Variants in ANKRD17 observed in about 807,000 individuals in gnomAD.
ANKRD17 encodes the protein ankyrin repeat domain 17.
In ANKRD17, 19 loss-of-function variants were observed where a neutral mutation model predicts 229.7. The ratio of observed to expected loss-of-function variants is 0.08; its 90% CI spans 0.06 to 0.12. ANKRD17 has a LOEUF of 0.12. ANKRD17 is among the 10% of genes least tolerant of loss of function. The probability of loss-of-function intolerance (pLI) is 1.00; values close to 1 mark genes in which losing one functional copy is unlikely to be tolerated. For synonymous variants in ANKRD17, 1,112 were observed against 1,146.1 expected (o/e 0.97, Z 0.60); for missense variants, 2,176 against 3,176.8 (o/e 0.68, Z 7.57).
chr4:73,170,573 G>A (rs985272552), intron 2 of ANKRD17, among the ~76,000 whole-genome samples: 9 of 152,092 alleles, frequency 5.9e-5, no homozygotes, highest in South Asian at 2.1e-4. Context: ...GTGGACTCTC[G>A]GGGTCTCCTA....
intron 3 of ANKRD17, among the ~76,000 whole-genome samples, chr4:73,159,086 TTTA>T (rs1454632807): frequency 6.6e-6 from 1 of 152,246 alleles, no homozygotes; most frequent in African/African-American, 2.4e-5. Flanking sequence ...TACTATATAT[TTTA>T]TTTACATGTT....
At chr4:73,179,571 C>CT (rs1403724261) in intron 1 of ANKRD17, among the ~76,000 whole-genome samples, 2 of 135,020 alleles carry the variant, frequency 1.5e-5, no homozygotes, top group African/African-American at 2.8e-5. Context: ...GTTGCCCAAG[C>CT]TGGCCTCAAA....
At position 73,097,155 on chromosome 4, in the gene ANKRD17, C is replaced by T. The variant is rs1436989188; in HGVS notation, c.5139G>A (p.Gly1713=). ...CTTTCCATCCTTCTTCCCTCTTTTG[C>T]CCACGCTTAGGACTTGCTACTGTTA... ...GKLTVASPKR[G]QKREEGWKEV... The change falls in exon 27 of 34, where the codon GGG becomes GGA. Residue 1713 remains glycine (G), a synonymous_variant. Coordinates refer to ENST00000358602, the MANE Select transcript of ANKRD17 (RefSeq NM_032217.5). 1.2e-6 allele frequency: 2 copies of T among 1,608,692 alleles called. No homozygotes were observed. Among genetic ancestry groups the T allele is most frequent in the Non-Finnish European group, 1.7e-6 (2 of 1,178,454 alleles).
Position 73,090,112 on chromosome 4 carries a change from G to C in ANKRD17, c.6961+555C>G, listed in dbSNP as rs529471006. 2.0e-4 allele frequency among the ~76,000 whole-genome samples: 30 copies of C among 152,154 alleles called. 1 individual carries two copies. The South Asian group carries it at 6.0e-3, about 30-fold the overall frequency. Reference sequence around the variant, plus strand: ...ATTAAAACATGAAAGACTTCTGAGAGAGAAAAACACGCCTAGGCCAGGAAC... The same window carrying C: ...ATTAAAACATGAAAGACTTCTGAGACAGAAAAACACGCCTAGGCCAGGAAC... On this transcript the variant is annotated intron_variant, in intron 29 of 33. Transcript: ENST00000358602.
intron 8 of ANKRD17, among the ~76,000 whole-genome samples, chr4:73,148,467 T>G (rs1730578244): frequency 6.6e-6 from 1 of 152,186 alleles, no homozygotes; most frequent in Non-Finnish European, 1.5e-5. Context: ...AAATACTTAT[T>G]AGTAGGTATT....
In ANKRD17 at chr4:73,258,326, T is replaced by C. The variant is rs1202444571; in HGVS notation, c.343A>G (p.Asn115Asp). 6.2e-7 allele frequency: 1 copy of C among 1,613,682 alleles called. No individual in the cohort carries two copies. Among genetic ancestry groups the C allele is most frequent in the South Asian group, 1.1e-5 (1 of 91,088 alleles). ...TCGTCGTCCTCTTCTTCCTCGCTGTTGTTACTGCTGGTGCCGCCGCCGCCA... is the reference window on the plus strand; with the variant it reads ...TCGTCGTCCTCTTCTTCCTCGCTGTCGTTACTGCTGGTGCCGCCGCCGCCA... Reference protein sequence around the residue: ...GGGGGGTSSNNSEEEEDDDDE... With the variant: ...GGGGGGTSSNDSEEEEDDDDE... The change falls in exon 1 of 34, where the codon AAC becomes GAC. Residue 115 changes from asparagine to aspartate, a missense_variant. Asn to Asp is a conservative substitution (Grantham distance 23, BLOSUM62 1). Transcript: ENST00000358602.
At chr4:73,152,452 G>A (rs2148871497) in intron 6 of ANKRD17, among the ~76,000 whole-genome samples, 1 of 151,972 alleles carries the variant, frequency 6.6e-6, no homozygotes, top group East Asian at 1.9e-4. Context: ...ACTCCTCCTT[G>A]TCAGTCTATA....
intron 1 of ANKRD17, among the ~76,000 whole-genome samples, chr4:73,187,939 G>C (rs557417262): frequency 3.3e-5 from 5 of 152,134 alleles, no homozygotes; most frequent in Non-Finnish European, 7.3e-5. Context: ...CCAGGGGCAG[G>C]ATAAAGAGGA....
At chr4:73,200,999 G>T (rs1385831167) in intron 1 of ANKRD17, among the ~76,000 whole-genome samples, 1 of 83,296 alleles carries the variant, frequency 1.2e-5, no homozygotes, top group Non-Finnish European at 2.6e-5. Flanking sequence ...GGGGGGGGGG[G>T]AGATTCTTAA....
chr4:73,085,469 A>C (rs1415953288), intron 29 of ANKRD17, 23 bp from the exon 30 acceptor site: 1 of 1,584,818 alleles, frequency 6.3e-7, no homozygotes, highest in African/African-American at 1.3e-5. Context: ...AGGTCATCAT[A>C]ATTTATAATA....
In ANKRD17 at chr4:73,080,637, CAT is replaced by C. The variant is rs1197931709; in HGVS notation, c.7160-1749_7160-1748del. 2.6e-5 allele frequency: 4 copies of C among 152,162 alleles called. No individual in the cohort carries two copies. The East Asian group carries it at 5.8e-4, about 22-fold the overall frequency. The allele number at this position is 152,162 out of a possible 1,614,324, so 9.4% of individuals were successfully genotyped here. A position where few individuals can be genotyped will look rare whatever the true frequency, so the allele number is the denominator to read the frequency against. ...CAACCCAGAACAACTAACATCAAGA[CAT>C]AGTCAGGGCAGGCAGGCAGGAAGGA... On this transcript the variant is annotated intron_variant, in intron 30 of 33. Transcript: ENST00000358602.
intron 30 of ANKRD17, 148 bp from the exon 31 acceptor site, chr4:73,079,038 A>G: frequency 9.9e-7 from 1 of 1,012,982 alleles, no homozygotes; most frequent in Non-Finnish European, 1.4e-6. Context: ...GATGCATATT[A>G]AAATTTGGCT....
At chr4:73,208,520 T>C (rs985123088) in intron 1 of ANKRD17, among the ~76,000 whole-genome samples, 19 of 152,078 alleles carry the variant, frequency 1.2e-4, no homozygotes, top group Non-Finnish European at 2.4e-4. Context: ...TGGCCAAAAA[T>C]AATTTGAGTG....
intron 17 of ANKRD17, 21 bp downstream of exon 17, chr4:73,125,180 T>C (rs1357442008): frequency 1.9e-6 from 3 of 1,592,094 alleles, no homozygotes; most frequent in Admixed American, 3.7e-5. Context: ...TTCCAAAAAA[T>C]AAAACAAAAG....
chr4:73,183,253 T>G (rs561223250), intron 1 of ANKRD17, among the ~76,000 whole-genome samples: 2 of 152,274 alleles, frequency 1.3e-5, no homozygotes, highest in African/African-American at 4.8e-5. Context: ...ACAAGAAATC[T>G]GAATGTGAAC....
At position 73,258,424 on chromosome 4, in the gene ANKRD17, G is replaced by A. The variant is rs780679054; in HGVS notation, c.245C>T (p.Pro82Leu). 1.2e-6 allele frequency: 2 copies of A among 1,610,430 alleles called. No individual in the cohort carries two copies. Among genetic ancestry groups the A allele is most frequent in the Non-Finnish European group, 1.7e-6 (2 of 1,179,266 alleles). The change falls in exon 1 of 34, where the codon CCC becomes CTC. Residue 82 changes from proline (P) to leucine (L), a missense_variant. Physicochemically the swap from Pro to Leu is moderately conservative, Grantham distance 98. This residue lies in a region of ANKRD17 where 196 missense variants were observed against 190.0 expected (regional missense o/e 1.03). Coordinates refer to ENST00000358602, the MANE Select transcript of ANKRD17 (RefSeq NM_032217.5). ...GCTGCTGCTTTCGCTGCTGCTGGGG[G>A]GTCGGCAAGTCCGGTTACGCTTGGC... is the stretch of plus-strand genomic sequence containing the variant. ...HKAKRNRTCR[P>L]PSSSESSSDS...
intron 24 of ANKRD17, among the ~76,000 whole-genome samples, chr4:73,106,448 T>C (rs1276412064): frequency 6.6e-6 from 1 of 152,002 alleles, no homozygotes; most frequent in Non-Finnish European, 1.5e-5. Flanking sequence ...ATGGGATATG[T>C]GAGAAGTAGC....
At chr4:73,131,263 C>T (rs1289791852) in intron 16 of ANKRD17, among the ~76,000 whole-genome samples, 2 of 152,098 alleles carry the variant, frequency 1.3e-5, no homozygotes, top group Non-Finnish European at 2.9e-5. Flanking sequence ...GTTGAAGCCC[C>T]TTATGAAGAA....
chr4:73,249,556 A>G (rs1349154824), intron 1 of ANKRD17, among the ~76,000 whole-genome samples: 3 of 152,258 alleles, frequency 2.0e-5, no homozygotes, highest in African/African-American at 7.2e-5. Flanking sequence ...AAGCAATAAG[A>G]ATATACTTAA....
Sources: gnomAD v4.1 joint callset for allele counts (sites outside exome capture counted in the v4.1 genomes callset) on GRCh38, gnomAD v4.1.1 for gene constraint, gnomAD v4.1.1 regional missense constraint, MANE v1.5 for transcripts, NCBI Gene and HGNC (gene_info 2026-07-23, HGNC 2026-07-21) for gene names.